Variants in SATL1 observed in about 807,000 individuals in gnomAD.
The protein encoded by SATL1 is spermidine/spermine N(1)-acetyltransferase-like protein 1.
A neutral mutation model predicts 51.8 loss-of-function variants in SATL1; 47 were observed. The ratio of observed to expected loss-of-function variants is 0.91; its 90% CI spans 0.72 to 1.16. The LOEUF (loss-of-function observed/expected upper bound fraction) is 1.16, where lower values mean the gene tolerates loss of function less well. Ranked by LOEUF, SATL1 falls within the 50% of genes most tolerant of loss-of-function variation. The probability of loss-of-function intolerance (pLI) is 0.00; values close to 1 mark genes in which losing one functional copy is unlikely to be tolerated. For synonymous variants in SATL1, 176 were observed against 182.4 expected (o/e 0.97, Z 0.28); for missense variants, 520 against 526.4 (o/e 0.99, Z 0.12).
chrX:85,149,355 C>A (rs1926352998), intron 2 of SATL1, among the ~76,000 whole-genome samples: 1 of 111,237 alleles, frequency 9.0e-6, no homozygotes, highest in Non-Finnish European at 1.9e-5. Flanking sequence ...GACTCCCATA[C>A]AATAATAATG....
At position 85,109,291 on chromosome X, in the gene SATL1, G is replaced by T. The variant is rs1258338726; in HGVS notation, c.-312-11C>A. 9.5e-6 allele frequency: 3 copies of T among 314,746 alleles called. No homozygotes were observed. The highest frequency in any genetic ancestry group is 5.6e-5 in the East Asian group (1 of 17,904). 25.9% of individuals were successfully genotyped at this position (314,746 alleles called of 1,213,427 possible). On this transcript the variant is annotated splice_polypyrimidine_tract_variant and intron_variant, in intron 2 of 7. Coordinates refer to ENST00000644105, the MANE Select transcript of SATL1 (RefSeq NM_001367857.2). ...TCATCTGGCCTTTCCCTGCCAAAAG[G>T]GGGGAAGTAAAGGGAAGACGAAAAT...
intron 2 of SATL1, among the ~76,000 whole-genome samples, chrX:85,185,717 T>C (rs1336085879): frequency 9.0e-6 from 1 of 111,055 alleles, no homozygotes; most frequent in Non-Finnish European, 1.9e-5. Flanking sequence ...TCTTTCCCTT[T>C]ATGGTAATGG....
In SATL1 at chrX:85,107,518, G is replaced by T. The variant is rs146269642; in HGVS notation, c.1451C>A (p.Pro484Gln). ...GCTCAGGCCTGGCTGACTCGGCCCC[G>T]GTTCCCATATGCCTGGTTGGCCCCT... ...PGRGQPGIWEPGPSQPGLSQQ... is the reference protein window; with the variant it reads ...PGRGQPGIWEQGPSQPGLSQQ... The change falls in exon 3 of 8, where the codon CCG becomes CAG. Residue 484 changes from proline (P) to glutamine (Q), a missense_variant. Around this residue, in one of 3 missense-constraint regions of SATL1, gnomAD observed 488 missense variants for 474.3 expected, o/e 1.03. Coordinates refer to ENST00000644105, the MANE Select transcript of SATL1 (RefSeq NM_001367857.2). 5 of 1,210,957 alleles carry T rather than the reference G, an allele frequency of 4.1e-6. No homozygotes were observed. Among genetic ancestry groups the T allele is most frequent in the Non-Finnish European group, 5.6e-6 (5 of 895,443 alleles).
chrX:85,241,537 G>GCT (rs1257326276), intron 1 of SATL1, among the ~76,000 whole-genome samples: 1 of 111,999 alleles, frequency 8.9e-6, no homozygotes, highest in Non-Finnish European at 1.9e-5. Flanking sequence ...TAAACAGCCA[G>GCT]CTCTAACAGT....
At chrX:85,131,226 T>C (rs1417721250) in intron 2 of SATL1, among the ~76,000 whole-genome samples, 3 of 111,841 alleles carry the variant, frequency 2.7e-5, no homozygotes, top group African/African-American at 9.8e-5. Context: ...CTAGTTGATC[T>C]GTCTAATGTT....
At chrX:85,208,471 G>A (rs1927837602) in intron 2 of SATL1, among the ~76,000 whole-genome samples, 2 of 111,409 alleles carry the variant, frequency 1.8e-5, no homozygotes, top group African/African-American at 3.3e-5. Flanking sequence ...TTGAGGGATC[G>A]CCACACTGTC....
At chrX:85,221,414 C>T (rs761780059) in intron 2 of SATL1, among the ~76,000 whole-genome samples, 1 of 111,993 alleles carries the variant, frequency 8.9e-6, no homozygotes, top group African/African-American at 3.2e-5. Context: ...AGTTTAGTAA[C>T]TTGTGCAAAG....
chrX:85,201,481 A>C (rs897789140), intron 2 of SATL1, among the ~76,000 whole-genome samples: 1 of 110,743 alleles, frequency 9.0e-6, no homozygotes, highest in African/African-American at 3.3e-5. Context: ...TTTTAATTTT[A>C]GGTTTAGGGG....
intron 2 of SATL1, among the ~76,000 whole-genome samples, chrX:85,171,574 G>C (rs1012792192): frequency 2.6e-4 from 29 of 111,249 alleles, no homozygotes; most frequent in African/African-American, 8.8e-4. Context: ...AAGATATAAA[G>C]TCTCTCTCAC....
Position 85,093,233 on chromosome X carries a change from A to G in SATL1, c.1877-8T>C. On this transcript the variant is annotated splice_region_variant and splice_polypyrimidine_tract_variant and intron_variant, in intron 6 of 7. Transcript: ENST00000644105. ...CAGCTCCAATACCTAGGCCTTTTAA[A>G]TAGACAATGCAAAGTGAAAACTGCA... 2.6e-6 allele frequency: 3 copies of G among 1,161,680 alleles called. No homozygotes were observed. Among genetic ancestry groups the G allele is most frequent in the Non-Finnish European group, 3.5e-6 (3 of 868,905 alleles).
intron 2 of SATL1, among the ~76,000 whole-genome samples, chrX:85,131,146 G>A (rs1925785409): frequency 8.9e-6 from 1 of 111,959 alleles, no homozygotes; most frequent in Admixed American, 9.5e-5. Context: ...AGAGAGTTCT[G>A]TAGATGTCTA....
chrX:85,236,947 T>C, intron 1 of SATL1, among the ~76,000 whole-genome samples: 1 of 111,373 alleles, frequency 9.0e-6, no homozygotes, highest in East Asian at 2.8e-4. Context: ...TAAGAACTGG[T>C]AAACAAATTC....
rs1435461846 is a variant in SATL1, at chrX:85,092,722, A to G, written c.1918-161T>C. On this transcript the variant is annotated intron_variant, in intron 7 of 7. Transcript: ENST00000644105. ...TGAACTTTTCTATAGCTGTAAAAAG[A>G]AAAAAGTCTCACTGTTCTGAGCTTT... 1.3e-5 allele frequency: 6 copies of G among 479,304 alleles called. No individual in the cohort carries two copies. The African/African-American group carries it at 1.4e-4, about 11-fold the overall frequency. 39.5% of individuals were successfully genotyped at this position (479,304 alleles called of 1,213,427 possible).
intron 2 of SATL1, chrX:85,142,802 G>A (rs1425149681): frequency 9.0e-6 from 1 of 111,560 alleles, no homozygotes; most frequent in Non-Finnish European, 1.9e-5. Context: ...ATGAAAGCCT[G>A]GTATCCCAAC....
intron 2 of SATL1, among the ~76,000 whole-genome samples, chrX:85,132,720 G>C (rs1285052879): frequency 8.9e-6 from 1 of 111,847 alleles, no homozygotes; most frequent in East Asian, 2.8e-4. Flanking sequence ...ATCCTTTGGA[G>C]GAGAAGGGGC....
At chrX:85,103,993 T>A in intron 3 of SATL1, 78 bp from the exon 4 acceptor site, 1 of 761,295 alleles carries the variant, frequency 1.3e-6, no homozygotes, top group Non-Finnish European at 2.0e-6. Flanking sequence ...AAATTTGTAT[T>A]AAACATTTAT....
intron 2 of SATL1, among the ~76,000 whole-genome samples, chrX:85,110,541 T>G (rs751956035): frequency 9.6e-4 from 108 of 111,927 alleles, no homozygotes; most frequent in Non-Finnish European, 1.8e-3. Flanking sequence ...CTGTGATGCA[T>G]GTACCGTTGT....
At chrX:85,228,599 T>G (rs1928321755) in intron 1 of SATL1, among the ~76,000 whole-genome samples, 1 of 111,238 alleles carries the variant, frequency 9.0e-6, no homozygotes, top group Non-Finnish European at 1.9e-5. Flanking sequence ...AAATTGCTCT[T>G]GTCAAGGTCA....
At chrX:85,188,751 TAACA>T (rs1162399788) in intron 2 of SATL1, among the ~76,000 whole-genome samples, 1 of 112,487 alleles carries the variant, frequency 8.9e-6, no homozygotes, top group Non-Finnish European at 1.9e-5. Flanking sequence ...GCAAATTTCT[TAACA>T]ATCAGGATAC....
Sources: gnomAD v4.1 joint callset for allele counts (sites outside exome capture counted in the v4.1 genomes callset) on GRCh38, gnomAD v4.1.1 for gene constraint, gnomAD v4.1.1 regional missense constraint, MANE v1.5 for transcripts, NCBI Gene and HGNC (gene_info 2026-07-23, HGNC 2026-07-21) for gene names.